Variants in CNTN1 observed in about 807,000 individuals in gnomAD.
CNTN1 encodes contactin 1, also known as contactin-1.
A neutral mutation model predicts 126.4 loss-of-function variants in CNTN1; 38 were observed. That is an observed-to-expected ratio of 0.30 (90% CI 0.23 to 0.39). The LOEUF (loss-of-function observed/expected upper bound fraction) is 0.39, where lower values mean the gene tolerates loss of function less well. Among genes scored for constraint, CNTN1 ranks in the 10% least tolerant of loss-of-function variants. The probability of loss-of-function intolerance (pLI) is 1.00; values close to 1 mark genes in which losing one functional copy is unlikely to be tolerated. For missense variants in CNTN1, 1,009 were observed against 1,248.4 expected (o/e 0.81, Z 2.89); for synonymous variants, 413 against 422.6 (o/e 0.98, Z 0.28).
At chr12:40,873,022 C>A (rs1395727122) in intron 1 of CNTN1, among the ~76,000 whole-genome samples, 1 of 152,056 alleles carries the variant, frequency 6.6e-6, no homozygotes, top group Non-Finnish European at 1.5e-5. Context: ...AGGACTTAAA[C>A]CCCAGTCAGG....
At chr12:40,743,099 CTTG>C (rs915828562) in intron 1 of CNTN1, among the ~76,000 whole-genome samples, 3 of 152,116 alleles carry the variant, frequency 2.0e-5, no homozygotes, top group Admixed American at 6.6e-5. Flanking sequence ...ATGTCTGAGT[CTTG>C]TTGTGAAGGA....
At chr12:40,830,198 G>A (rs1027933119) in intron 1 of CNTN1, among the ~76,000 whole-genome samples, 2 of 152,102 alleles carry the variant, frequency 1.3e-5, no homozygotes, top group Admixed American at 6.6e-5. Context: ...TCCAGATCAC[G>A]TAAGGAAAAT....
intron 3 of CNTN1, among the ~76,000 whole-genome samples, chr12:40,913,155 T>C (rs1030921339): frequency 1.3e-5 from 2 of 152,210 alleles, no homozygotes; most frequent in African/African-American, 2.4e-5. Context: ...AATAACTGTA[T>C]TTCTGCAAGT....
At chr12:40,937,873 A>C (rs969843747) in intron 11 of CNTN1, among the ~76,000 whole-genome samples, 186 bp downstream of exon 11, 7 of 152,196 alleles carry the variant, frequency 4.6e-5, no homozygotes, top group African/African-American at 1.7e-4. Flanking sequence ...AATAGAATGA[A>C]TCTTTGCCAC....
intron 16 of CNTN1, among the ~76,000 whole-genome samples, chr12:40,992,539 A>G (rs1038745340): frequency 1.3e-5 from 2 of 152,086 alleles, no homozygotes; most frequent in Admixed American, 1.3e-4. Context: ...CATCTAATCT[A>G]TATTAGTATC....
intron 23 of CNTN1, 70 bp downstream of exon 23, chr12:41,029,289 G>C: frequency 1.3e-6 from 2 of 1,558,710 alleles, no homozygotes; most frequent in Non-Finnish European, 1.8e-6. Flanking sequence ...GATTCCCAAG[G>C]GTAGGGATAA....
intron 1 of CNTN1, among the ~76,000 whole-genome samples, chr12:40,829,632 G>A (rs976537386): frequency 6.6e-6 from 1 of 152,040 alleles, no homozygotes; most frequent in Non-Finnish European, 1.5e-5. Flanking sequence ...CAGGTGTTGT[G>A]CACAGAACTC....
chr12:40,997,051 T>C (rs1353452465), intron 17 of CNTN1, among the ~76,000 whole-genome samples: 2 of 152,222 alleles, frequency 1.3e-5, no homozygotes, highest in African/African-American at 4.8e-5. Context: ...AATGTTAAGA[T>C]CTCAGCGCAC....
At chr12:40,892,613 T>C (rs1043937272) in intron 1 of CNTN1, among the ~76,000 whole-genome samples, 1 of 152,018 alleles carries the variant, frequency 6.6e-6, no homozygotes, top group African/African-American at 2.4e-5. Context: ...AGTTAAGATA[T>C]TGTGCTTCGA....
chr12:40,716,035 G>T (rs372707179), intron 1 of CNTN1, among the ~76,000 whole-genome samples: 58 of 152,036 alleles, frequency 3.8e-4, no homozygotes, highest in African/African-American at 1.4e-3. Context: ...TTTATGTCAG[G>T]CACTACAGAG....
In CNTN1 at chr12:40,753,257, A is replaced by G. The variant is rs553526226; in HGVS notation, c.-77+60665A>G. ...ATCTTCACTATTTGTTGCTTTCTTA[A>G]CTTTCTGAATATACTGCTATAAAAA... On this transcript the variant is annotated intron_variant, in intron 1 of 23. Transcript: ENST00000551295. 9.2e-5 allele frequency among the ~76,000 whole-genome samples: 14 copies of G among 152,110 alleles called. No homozygotes were observed. The South Asian group carries it at 2.7e-3, about 29-fold the overall frequency.
At chr12:40,971,292 G>A (rs1947501365) in intron 15 of CNTN1, 7 of 664,574 alleles carry the variant, frequency 1.1e-5, no homozygotes, top group Non-Finnish European at 1.2e-5. Flanking sequence ...CCCGTCCTCA[G>A]TGTGTAGGGG....
At chr12:41,060,439 A>T (rs764551777) in intron 23 of CNTN1, among the ~76,000 whole-genome samples, 21 of 152,168 alleles carry the variant, frequency 1.4e-4, no homozygotes, top group Non-Finnish European at 2.8e-4. Context: ...CTCAAAAACT[A>T]ATTTGGAGAA....
At chr12:40,705,764 T>C (rs1941723072) in intron 1 of CNTN1, among the ~76,000 whole-genome samples, 1 of 152,162 alleles carries the variant, frequency 6.6e-6, no homozygotes, top group Non-Finnish European at 1.5e-5. Context: ...CTGCAGGCTG[T>C]ACAGGAAGCA....
intron 16 of CNTN1, among the ~76,000 whole-genome samples, chr12:40,990,395 G>C (rs1948071004): frequency 6.6e-6 from 1 of 151,976 alleles, no homozygotes; most frequent in Admixed American, 6.6e-5. Flanking sequence ...TGCGTCTTTG[G>C]ACCAAGGGGT....
At chr12:40,918,957 T>G (rs577547128) in intron 4 of CNTN1, among the ~76,000 whole-genome samples, 186 bp downstream of exon 4, 1 of 152,316 alleles carries the variant, frequency 6.6e-6, no homozygotes, top group South Asian at 2.1e-4. Flanking sequence ...CTTAAATATA[T>G]GCAAATAATT....
chr12:40,735,628 A>G (rs1233598544), intron 1 of CNTN1, among the ~76,000 whole-genome samples: 1 of 152,096 alleles, frequency 6.6e-6, no homozygotes. Flanking sequence ...AACAAGAAAA[A>G]TGTAAACCAT....
chr12:40,768,397 GCTTTTACAAATCC>G (rs55753322), intron 1 of CNTN1, among the ~76,000 whole-genome samples: 15,309 of 152,184 alleles, frequency 0.1, 924 homozygotes, highest in Admixed American at 0.2. Context: ...TGTTTGTACT[GCTTTTACAAATCC>G]CTTATAAGCA....
chr12:40,980,831 A>G (rs966208014), intron 15 of CNTN1, 78 bp from the exon 16 acceptor site: 2 of 1,331,646 alleles, frequency 1.5e-6, no homozygotes, highest in East Asian at 2.3e-5. Context: ...TAATGGTTAG[A>G]AGACATTTTT....
Sources: gnomAD v4.1 joint callset for allele counts (sites outside exome capture counted in the v4.1 genomes callset) on GRCh38, gnomAD v4.1.1 for gene constraint, MANE v1.5 for transcripts, NCBI Gene and HGNC (gene_info 2026-07-23, HGNC 2026-07-21) for gene names.